The following SCN9A variants were observed in gnomAD, a reference collection of about 807,000 sequenced individuals.
SCN9A encodes the protein sodium channel protein type 9 subunit alpha.
In SCN9A, 131 loss-of-function variants were observed where a neutral mutation model predicts 187.0. That is an observed-to-expected ratio of 0.70 (90% CI 0.61 to 0.81). The LOEUF (loss-of-function observed/expected upper bound fraction) is 0.81, where lower values mean the gene tolerates loss of function less well. Among genes scored for constraint, SCN9A ranks in the 30% least tolerant of loss-of-function variants. SCN9A has a pLI of 0.00. For synonymous variants in SCN9A, 809 were observed against 808.6 expected (o/e 1.00, Z -0.01); for missense variants, 2,252 against 2,396.6 (o/e 0.94, Z 1.26).
At chr2:166,357,540 C>T (rs1700178907) in intron 1 of SCN9A, among the ~76,000 whole-genome samples, 1 of 152,080 alleles carries the variant, frequency 6.6e-6, no homozygotes, top group South Asian at 2.1e-4. Context: ...CCCACCAGTG[C>T]CATGACAGTT....
intron 7 of SCN9A, chr2:166,301,729 A>T (rs182528721): frequency 9.9e-5 from 15 of 150,972 alleles, no homozygotes; most frequent in Admixed American, 9.2e-4. Context: ...TACTCATCAG[A>T]TATATTAATT....
chr2:166,347,828 A>C (rs1047405724), intron 1 of SCN9A, among the ~76,000 whole-genome samples: 3 of 152,174 alleles, frequency 2.0e-5, no homozygotes, highest in African/African-American at 7.2e-5. Context: ...ATGCCACAGA[A>C]TTTAAAGAGG....
intron 18 of SCN9A, chr2:166,249,311 T>G (rs558668002): frequency 6.6e-6 from 1 of 152,130 alleles, no homozygotes; most frequent in Non-Finnish European, 1.5e-5. Flanking sequence ...CTTGATATGT[T>G]TCTTCAGCAA....
intron 1 of SCN9A, among the ~76,000 whole-genome samples, chr2:166,370,258 A>C (rs1457971225): frequency 8.6e-6 from 1 of 116,130 alleles, no homozygotes; most frequent in Non-Finnish European, 1.8e-5. Flanking sequence ...ATCATTAGAT[A>C]ATGGGCTGAG....
chr2:166,262,224 C>T (rs995503061), intron 17 of SCN9A, among the ~76,000 whole-genome samples: 1 of 151,746 alleles, frequency 6.6e-6, no homozygotes, highest in Non-Finnish European at 1.5e-5. Flanking sequence ...AAAAAATAGA[C>T]ACATTAATAT....
chr2:166,242,985 G>A (rs1251339525), intron 18 of SCN9A, among the ~76,000 whole-genome samples: 1 of 152,030 alleles, frequency 6.6e-6, no homozygotes, highest in African/African-American at 2.4e-5. Context: ...ATCTGAAGAC[G>A]ACATGAATTT....
chr2:166,229,927 T>TA (rs1285274482), intron 21 of SCN9A, among the ~76,000 whole-genome samples: 1 of 152,214 alleles, frequency 6.6e-6, no homozygotes, highest in Non-Finnish European at 1.5e-5. Flanking sequence ...ACAAATGTGT[T>TA]AAAGATTAAC....
Position 166,280,448 on chromosome 2 carries a change from G to A in SCN9A, c.2252C>T (p.Thr751Ile), listed in dbSNP as rs1697428259. The A allele has an allele frequency of 6.3e-7, 1 of 1,588,184 alleles. No individual in the cohort carries two copies. The highest frequency in any genetic ancestry group is 1.3e-5 in the African/African-American group (1 of 74,550). The change falls in exon 14 of 27, where the codon ACC becomes ATC. Residue 751 changes from threonine (T) to isoleucine (I), a missense_variant. Physicochemically the swap from Thr to Ile is moderately conservative, Grantham distance 89. Coordinates refer to ENST00000642356, the MANE Select transcript of SCN9A (RefSeq NM_001365536.1). Reference sequence around the variant, plus strand: ...TAATGTGTTTAAAACTATGCAAATGGTAATTGCAAGATCTACAAAAGGATC... The same window carrying A: ...TAATGTGTTTAAAACTATGCAAATGATAATTGCAAGATCTACAAAAGGATC... ...VMDPFVDLAI[T>I]ICIVLNTLFM...
chr2:166,290,152 TGA>T (rs1697979288), intron 9 of SCN9A, among the ~76,000 whole-genome samples: 1 of 151,594 alleles, frequency 6.6e-6, no homozygotes, highest in Non-Finnish European at 1.5e-5. Flanking sequence ...CACTTATGAG[TGA>T]GAACATGCAG....
chr2:166,204,924 A>T (rs1693725395), intron 24 of SCN9A: 1 of 152,366 alleles, frequency 6.6e-6, no homozygotes, highest in Non-Finnish European at 1.5e-5. Flanking sequence ...CTACAAAGAG[A>T]ATAAAATACC....
At chr2:166,292,316 T>C (rs1327778238) in intron 9 of SCN9A, among the ~76,000 whole-genome samples, 1 of 152,188 alleles carries the variant, frequency 6.6e-6, no homozygotes, top group Non-Finnish European at 1.5e-5. Context: ...TATCAACTGA[T>C]ATTAAATGAA....
chr2:166,338,084 A>G (rs1379163902), intron 1 of SCN9A, among the ~76,000 whole-genome samples: 1 of 152,142 alleles, frequency 6.6e-6, no homozygotes, highest in Non-Finnish European at 1.5e-5. Context: ...AGTGCCAGGC[A>G]TTCTCCTTGT....
chr2:166,337,185 C>T (rs1016422280), intron 1 of SCN9A, among the ~76,000 whole-genome samples: 4 of 152,032 alleles, frequency 2.6e-5, no homozygotes, highest in African/African-American at 9.7e-5. Flanking sequence ...CAGTTGAACT[C>T]GGGATTCCAG....
intron 1 of SCN9A, among the ~76,000 whole-genome samples, chr2:166,347,903 T>A (rs763649134): frequency 1.7e-4 from 26 of 151,038 alleles, no homozygotes; most frequent in Non-Finnish European, 2.7e-4. Flanking sequence ...GATAAATATT[T>A]AAAAAAAAAC....
intron 15 of SCN9A, chr2:166,277,904 T>C: frequency 2.6e-6 from 1 of 379,522 alleles, no homozygotes. Flanking sequence ...AAAATATTTA[T>C]ATTATATTAG....
intron 11 of SCN9A, among the ~76,000 whole-genome samples, chr2:166,285,868 T>C (rs62178473): frequency 6.6e-6 from 1 of 152,060 alleles, no homozygotes; most frequent in South Asian, 2.1e-4. Flanking sequence ...ATATTAGTAG[T>C]TGATGTGGTT....
At chr2:166,217,947 T>G (rs1421724466) in intron 24 of SCN9A, among the ~76,000 whole-genome samples, 1 of 152,090 alleles carries the variant, frequency 6.6e-6, no homozygotes, top group Non-Finnish European at 1.5e-5. Flanking sequence ...TTCAGCATTA[T>G]TTACAAGAAC....
intron 1 of SCN9A, among the ~76,000 whole-genome samples, chr2:166,353,619 A>G (rs771738593): frequency 1.3e-5 from 2 of 152,120 alleles, no homozygotes; most frequent in Non-Finnish European, 2.9e-5. Flanking sequence ...TGATCACCTG[A>G]TTACTTGCTT....
chr2:166,317,939 A>T (rs1436764768), intron 1 of SCN9A, among the ~76,000 whole-genome samples: 1 of 152,232 alleles, frequency 6.6e-6, no homozygotes, highest in African/African-American at 2.4e-5. Context: ...CACTCATCTG[A>T]GAATGTTAGA....
Sources: gnomAD v4.1 joint callset for allele counts (sites outside exome capture counted in the v4.1 genomes callset) on GRCh38, gnomAD v4.1.1 for gene constraint, MANE v1.5 for transcripts, NCBI Gene and HGNC (gene_info 2026-07-23, HGNC 2026-07-21) for gene names.